Variants in FAT1 observed in about 807,000 individuals in gnomAD.
FAT1 encodes the protein FAT atypical cadherin 1, also known as protocadherin Fat 1.
FAT1 carries 171 observed loss-of-function variants against 329.8 expected under a neutral mutation model. The observed-to-expected ratio is 0.52, with a 90% CI of 0.46 to 0.59. The LOEUF (loss-of-function observed/expected upper bound fraction) is 0.59, where lower values mean the gene tolerates loss of function less well. FAT1 is among the 20% of genes least tolerant of loss of function. FAT1 has a pLI of 0.00. For missense variants in FAT1, 5,672 were observed against 5,774.4 expected (o/e 0.98, Z 0.57); for synonymous variants, 2,233 against 2,228.6 (o/e 1.00, Z -0.06).
intron 2 of FAT1, among the ~76,000 whole-genome samples, chr4:186,664,039 G>C (rs1413451157): frequency 6.6e-6 from 1 of 152,080 alleles, no homozygotes; most frequent in South Asian, 2.1e-4. Flanking sequence ...AGGCTACTCA[G>C]GAAGACAGGG....
At chr4:186,641,379 C>A (rs1433586318) in intron 3 of FAT1, among the ~76,000 whole-genome samples, 1 of 152,158 alleles carries the variant, frequency 6.6e-6, no homozygotes, top group African/African-American at 2.4e-5. Flanking sequence ...AGTCAAAAAC[C>A]TTTTAAGTTA....
At chr4:186,680,848 T>G (rs1290323068) in intron 2 of FAT1, among the ~76,000 whole-genome samples, 1 of 152,204 alleles carries the variant, frequency 6.6e-6, no homozygotes, top group Non-Finnish European at 1.5e-5. Flanking sequence ...GGTGCACGCT[T>G]GCATTAACAC....
chr4:186,671,016 T>A (rs565216197), intron 2 of FAT1, among the ~76,000 whole-genome samples: 2 of 152,200 alleles, frequency 1.3e-5, no homozygotes, highest in East Asian at 3.9e-4. Flanking sequence ...GAGCAGGGAG[T>A]TATGTGAGCA....
At chr4:186,601,532 G>T in intron 20 of FAT1, 106 bp from the exon 21 acceptor site, 1 of 855,246 alleles carries the variant, frequency 1.2e-6, no homozygotes, top group Non-Finnish European at 1.7e-6. Flanking sequence ...TTTTATTTAA[G>T]ATGATAACAT....
chr4:186,609,975 A>G lies in FAT1; in HGVS notation c.9894T>C (p.Ser3298=). ...CCTCTACTGTTAGGTAATACTCATG[A>G]GAGCTCTCATAATCCAGATTCTCAA... ...FIIENLDYES[S]HEYYLTVEAT... Residue 3298 remains serine, a synonymous_variant, in exon 15 of 27, where the codon TCT becomes TCC. Coordinates refer to ENST00000441802, the MANE Select transcript of FAT1 (RefSeq NM_005245.4). 6 of 1,613,340 alleles carry G rather than the reference A, an allele frequency of 3.7e-6. No homozygotes were observed. The South Asian group carries it at 4.4e-5, about 12-fold the overall frequency.
chr4:186,700,597 A>G (rs1175626804), intron 2 of FAT1, among the ~76,000 whole-genome samples: 3 of 152,194 alleles, frequency 2.0e-5, no homozygotes, highest in African/African-American at 7.2e-5. Context: ...AGCTTAGCAC[A>G]GAAACCCACT....
intron 9 of FAT1, among the ~76,000 whole-genome samples, chr4:186,623,463 C>A (rs2126531551): frequency 6.6e-6 from 1 of 152,338 alleles, no homozygotes; most frequent in South Asian, 2.1e-4. Context: ...GCCCCTCAGA[C>A]TTCCCTATGT....
Position 186,682,526 on chromosome 4 carries a change from C to CAAAAAAAAAAAAAAAAAAAAAA in FAT1, c.3266-18914_3266-18913insTTTTTTTTTTTTTTTTTTTTTT, listed in dbSNP as rs10561120. 8.1e-4 allele frequency among the ~76,000 whole-genome samples: 97 copies of CAAAAAAAAAAAAAAAAAAAAAA among 119,674 alleles called. 2 individuals are homozygous for CAAAAAAAAAAAAAAAAAAAAAA. Among genetic ancestry groups the CAAAAAAAAAAAAAAAAAAAAAA allele is most frequent in the African/African-American group, 2.9e-3 (74 of 25,346 alleles). 78.5% of individuals were successfully genotyped at this position (119,674 alleles called of 152,430 possible). A position where few individuals can be genotyped will look rare whatever the true frequency, so the allele number is the denominator to read the frequency against. On this transcript the variant is annotated intron_variant, in intron 2 of 26. Transcript: ENST00000441802. ...TGAGTGAAAGAGCGAGACTCTGTCT[C>CAAAAAAAAAAAAAAAAAAAAAA]AAAAAAAAAAAAAAAAAAGAAAGTT...
chr4:186,703,884 C>T (rs1165739817), intron 2 of FAT1, among the ~76,000 whole-genome samples: 1 of 152,210 alleles, frequency 6.6e-6, no homozygotes. Flanking sequence ...GAATAATTAG[C>T]ATGCCTAATT....
At position 186,609,080 on chromosome 4, in the gene FAT1, G is replaced by A. The variant is rs187743354; in HGVS notation, c.10206+103C>T. On this transcript the variant is annotated intron_variant, in intron 16 of 26. Coordinates refer to ENST00000441802, the MANE Select transcript of FAT1 (RefSeq NM_005245.4). ...ACATGTTGCCGTCAGTTCTTGAGGC[G>A]GTCAGTCCTGCTCACACCACGCCCA... is the stretch of plus-strand genomic sequence containing the variant. 1.7e-5 allele frequency: 22 copies of A among 1,319,874 alleles called. No homozygotes were observed. The Admixed American group carries it at 2.3e-4, about 14-fold the overall frequency. The allele number at this position is 1,319,874 out of a possible 1,614,324, so 81.8% of individuals were successfully genotyped here.
Position 186,604,433 on chromosome 4 carries a change from G to C in FAT1, c.10492C>G (p.Leu3498Val), listed in dbSNP as rs1738992748. 1 of 1,613,960 alleles carries C rather than the reference G, an allele frequency of 6.2e-7. No individual in the cohort carries two copies. The highest frequency in any genetic ancestry group is 8.5e-7 in the Non-Finnish European group (1 of 1,179,870). Residue 3498 changes from leucine (L) to valine (V), a missense_variant, in exon 18 of 27, where the codon CTG becomes GTG. Physicochemically the swap from Leu to Val is conservative, Grantham distance 32. This residue lies in a region of FAT1 where 1,706 missense variants were observed against 1,859.1 expected (regional missense o/e 0.92). Coordinates refer to ENST00000441802, the MANE Select transcript of FAT1 (RefSeq NM_005245.4). ...AFEVNPQGVL[L>V]TSSAIKRKEK... ...TTCCTCTTGATGGCAGATGATGTCAGGAGGACTCCTTGCGGGTTAACTTCA... is the reference window on the plus strand; with the variant it reads ...TTCCTCTTGATGGCAGATGATGTCACGAGGACTCCTTGCGGGTTAACTTCA...
Position 186,588,129 on chromosome 4 carries a change from T to TA in FAT1, c.*462dup, listed in dbSNP as rs11339670. 879 of 203,604 alleles carry TA rather than the reference T, an allele frequency of 4.3e-3. No individual in the cohort carries two copies. The highest frequency in any genetic ancestry group is 9.4e-3 in the South Asian group (51 of 5,414). 12.6% of individuals were successfully genotyped at this position (203,604 alleles called of 1,614,324 possible). ...AGACAGAATGAAACCCTGGTTATAG[T>TA]AAAAAAAAAAAAATCAGGGTGCTAG... On this transcript the variant is annotated 3_prime_UTR_variant, in exon 27 of 27. Transcript: ENST00000441802.
chr4:186,609,392 T>C, intron 15 of FAT1, 72 bp from the exon 16 acceptor site: 1 of 1,512,898 alleles, frequency 6.6e-7, no homozygotes, highest in Non-Finnish European at 8.9e-7. Flanking sequence ...AAATTTGTGA[T>C]ATTAATAGCT....
At position 186,646,089 on chromosome 4, in the gene FAT1, C is replaced by G. The variant is rs148152084; in HGVS notation, c.3581-6306G>C. On this transcript the variant is annotated intron_variant, in intron 3 of 26. Transcript: ENST00000441802. ...ACTGCAACAAGAGAGCAAGCACTTG[C>G]AATCTGTAGTACGAGTCATCGATGA... Among the ~76,000 whole-genome samples the G allele has an allele frequency of 2.8e-3, 424 of 151,770 alleles. 3 individuals are homozygous for G. Among genetic ancestry groups the G allele is most frequent in the African/African-American group, 9.7e-3 (399 of 41,330 alleles).
chr4:186,614,225 T>C lies in FAT1; in HGVS notation c.9195A>G (p.Ser3065=). The change falls in exon 12 of 27, where the codon TCA becomes TCG. Residue 3065 remains serine, a synonymous_variant. Transcript: ENST00000441802. ...GATTTAGTTTGAATTTTTCTGCACC[T>C]GAACCCAATAACGTGTAAGTAATTT... ...NAEITYTLLG[S]GAEKFKLNPD... The C allele has an allele frequency of 1.2e-6, 2 of 1,601,380 alleles. No individual in the cohort carries two copies. Among genetic ancestry groups the C allele is most frequent in the Non-Finnish European group, 1.7e-6 (2 of 1,176,172 alleles).
rs775906685 is a variant in FAT1 at position 186,707,815 on chromosome 4, G to A, written c.2013C>T (p.Asn671=). 3.5e-5 allele frequency: 56 copies of A among 1,613,590 alleles called. No individual in the cohort carries two copies. Among genetic ancestry groups the A allele is most frequent in the Middle Eastern group, 1.6e-4 (1 of 6,084 alleles). ...ITVAASHKLV[N]LQCEETGVAK... is the part of the protein sequence containing the mutation. ...CAACACCAGTCTCTTCACACTGCAA[G>A]TTTACCAGCTTGTGACTGGCAGCCA... Residue 671 remains asparagine (N), a synonymous_variant, in exon 2 of 27, where the codon AAC becomes AAT. Coordinates refer to ENST00000441802, the MANE Select transcript of FAT1 (RefSeq NM_005245.4).
In FAT1 at chr4:186,618,436, G is replaced by C. The variant is rs1345199076; in HGVS notation, c.8150C>G (p.Pro2717Arg). ...GATGAGATCTATCTCTGTTCCAATA[G>C]GCACGTCCTCTGACACTGTAAAGGT... The part of the protein sequence containing the change: ...FYTFTVSEDV[P>R]IGTEIDLIRA... Residue 2717 changes from proline (P) to arginine (R), a missense_variant, in exon 10 of 27, where the codon CCT becomes CGT. Pro to Arg is a moderately radical substitution (Grantham distance 103, BLOSUM62 -2). Transcript: ENST00000441802. 6.2e-7 allele frequency: 1 copy of C among 1,613,974 alleles called. No individual in the cohort carries two copies. Among genetic ancestry groups the C allele is most frequent in the East Asian group, 2.2e-5 (1 of 44,884 alleles).
intron 4 of FAT1, among the ~76,000 whole-genome samples, chr4:186,638,967 G>A (rs1233101575): frequency 6.7e-6 from 1 of 149,638 alleles, no homozygotes; most frequent in Non-Finnish European, 1.5e-5. Context: ...ACGGCCCAGA[G>A]ATCTCATCAA....
At chr4:186,684,344 C>T (rs542650554) in intron 2 of FAT1, among the ~76,000 whole-genome samples, 32 of 152,278 alleles carry the variant, frequency 2.1e-4, no homozygotes, top group Non-Finnish European at 4.0e-4. Context: ...GGAGTGCTTC[C>T]GTGCTGGACC....
Sources: allele counts gnomAD v4.1 joint callset (sites outside exome capture counted in the v4.1 genomes callset), GRCh38; gene constraint gnomAD v4.1.1; regional missense constraint gnomAD v4.1.1; transcripts MANE v1.5; gene names NCBI Gene and HGNC (gene_info 2026-07-23, HGNC 2026-07-21).